The following FYTTD1 variants were observed in gnomAD, a reference collection of about 807,000 sequenced individuals.
FYTTD1 encodes UAP56-interacting factor.
In FYTTD1, 22 loss-of-function variants were observed where a neutral mutation model predicts 40.9. That is an observed-to-expected ratio of 0.54 (90% CI 0.38 to 0.77). FYTTD1 has a LOEUF of 0.77. Ranked by LOEUF, FYTTD1 falls within the 30% of genes least tolerant of loss-of-function variation. FYTTD1 has a pLI of 0.00. For missense variants in FYTTD1, 351 were observed against 392.2 expected (o/e 0.90, Z 0.89); for synonymous variants, 140 against 137.9 (o/e 1.01, Z -0.10).
chr3:197,762,017 A>G (rs1004742986), intron 2 of FYTTD1, among the ~76,000 whole-genome samples: 34 of 152,308 alleles, frequency 2.2e-4, no homozygotes, highest in South Asian at 1.4e-3. Context: ...CTTGTGTGGC[A>G]GAAAGAAGGC....
intron 4 of FYTTD1, among the ~76,000 whole-genome samples, chr3:197,773,085 T>C (rs892391110): frequency 2.0e-5 from 3 of 152,246 alleles, no homozygotes; most frequent in African/African-American, 4.8e-5. Context: ...TGTAAAGTTA[T>C]GTTTTCACCA....
chr3:197,756,392 A>T, intron 1 of FYTTD1, 34 bp from the exon 2 acceptor site: 1 of 1,519,170 alleles, frequency 6.6e-7, no homozygotes, highest in Non-Finnish European at 9.1e-7. Flanking sequence ...GAGTTAAGTT[A>T]AAATGAAAAT....
At chr3:197,771,320 T>A (rs2109049004) in intron 4 of FYTTD1, among the ~76,000 whole-genome samples, 1 of 152,336 alleles carries the variant, frequency 6.6e-6, no homozygotes, top group African/African-American at 2.4e-5. Flanking sequence ...TATTTATCTT[T>A]CGTGGAAGAT....
chr3:197,773,531 G>A (rs770484800), intron 5 of FYTTD1, 32 bp downstream of exon 5: 75 of 1,271,346 alleles, frequency 5.9e-5, no homozygotes, highest in Admixed American at 5.8e-4. Context: ...GTTTTTGTTT[G>A]TTTGTTTGTT....
chr3:197,761,981 G>A (rs1729401374), intron 2 of FYTTD1, among the ~76,000 whole-genome samples: 1 of 152,176 alleles, frequency 6.6e-6, no homozygotes, highest in African/African-American at 2.4e-5. Context: ...CTTCCAGGTT[G>A]CAGACTTTGG....
chr3:197,750,858 T>G (rs1580439295), intron 1 of FYTTD1: 3 of 985,228 alleles, frequency 3.0e-6, no homozygotes, highest in Non-Finnish European at 3.6e-6. Flanking sequence ...TCTGAGAGGG[T>G]GGCGTGGTTT....
intron 2 of FYTTD1, among the ~76,000 whole-genome samples, chr3:197,767,045 C>T (rs766132169): frequency 1.3e-5 from 2 of 151,630 alleles, no homozygotes; most frequent in Non-Finnish European, 2.9e-5. Context: ...AGGAATTCTG[C>T]AGTGAACATG....
Position 197,783,266 on chromosome 3 carries a change from T to G in FYTTD1, c.*1357T>G, listed in dbSNP as rs879252672. On this transcript the variant is annotated 3_prime_UTR_variant, in exon 9 of 9. Transcript: ENST00000241502. The stretch of plus-strand genomic sequence containing the variant: ...GTTTGGTCATTTTGAAGCTTGACAT[T>G]TTAGTTTGCCATTATGTTAAAAACA... 1.3e-5 allele frequency: 2 copies of G among 152,612 alleles called. No individual in the cohort carries two copies. Among genetic ancestry groups the G allele is most frequent in the Admixed American group, 1.3e-4 (2 of 15,278 alleles). The allele number at this position is 152,612 out of a possible 1,614,324, so 9.5% of individuals were successfully genotyped here. A position where few individuals can be genotyped will look rare whatever the true frequency, so the allele number is the denominator to read the frequency against.
chr3:197,765,049 C>T (rs990922043), intron 2 of FYTTD1, among the ~76,000 whole-genome samples: 2 of 152,038 alleles, frequency 1.3e-5, no homozygotes, highest in African/African-American at 2.4e-5. Context: ...GACGAGGTTT[C>T]ACCATGTTGG....
intron 2 of FYTTD1, among the ~76,000 whole-genome samples, chr3:197,759,091 A>G (rs1729291056): frequency 6.6e-6 from 1 of 152,114 alleles, no homozygotes; most frequent in South Asian, 2.1e-4. Context: ...GGTAGAAAGT[A>G]TAGAGTTGTT....
chr3:197,778,554 G>C (rs1729940059), intron 8 of FYTTD1, 90 bp downstream of exon 8: 4 of 876,304 alleles, frequency 4.6e-6, no homozygotes, highest in African/African-American at 1.7e-5. Flanking sequence ...TATAAACAAG[G>C]TATCCTAACT....
rs191988695 is a variant in FYTTD1 at position 197,756,894 on chromosome 3, T to C, written c.235+337T>C. Reference sequence around the variant, plus strand: ...GATGTTCCTTTAACAGTCTGTCTAATGGATGACTAACTCCAGCTTAAATAT... The same window carrying C: ...GATGTTCCTTTAACAGTCTGTCTAACGGATGACTAACTCCAGCTTAAATAT... On this transcript the variant is annotated intron_variant, in intron 2 of 8. Transcript: ENST00000241502. 3.1e-3 allele frequency among the ~76,000 whole-genome samples: 478 copies of C among 152,348 alleles called. 2 individuals carry two copies. The highest frequency in any genetic ancestry group is 0.02 in the Middle Eastern group (6 of 294).
At chr3:197,769,335 C>G (rs905658906) in intron 3 of FYTTD1, among the ~76,000 whole-genome samples, 1 of 152,174 alleles carries the variant, frequency 6.6e-6, no homozygotes, top group Non-Finnish European at 1.5e-5. Context: ...ATCCATCCGC[C>G]TCACCCTCCC....
rs937241579 is a variant in FYTTD1 at position 197,782,705 on chromosome 3, T to G, written c.*796T>G. Reference sequence around the variant, plus strand: ...GGACAGGTAGTTGAGATGAAACACTTCAAAACCCTGGTTATAGATGTACTG... The same window carrying G: ...GGACAGGTAGTTGAGATGAAACACTGCAAAACCCTGGTTATAGATGTACTG... On this transcript the variant is annotated 3_prime_UTR_variant, in exon 9 of 9. Coordinates refer to ENST00000241502, the MANE Select transcript of FYTTD1 (RefSeq NM_032288.7). 6.6e-6 allele frequency: 1 copy of G among 152,164 alleles called. No individual in the cohort carries two copies. Among genetic ancestry groups the G allele is most frequent in the Non-Finnish European group, 1.5e-5 (1 of 68,028 alleles). The allele number at this position is 152,164 out of a possible 1,614,324, so 9.4% of individuals were successfully genotyped here.
intron 6 of FYTTD1, 56 bp downstream of exon 6, chr3:197,774,266 AC>A: frequency 7.3e-7 from 1 of 1,366,034 alleles, no homozygotes; most frequent in Non-Finnish European, 1.0e-6. Flanking sequence ...AATACTAACT[AC>A]CCAAATTATC....
chr3:197,762,254 A>G (rs1283440241), intron 2 of FYTTD1, among the ~76,000 whole-genome samples: 2 of 152,238 alleles, frequency 1.3e-5, no homozygotes, highest in Non-Finnish European at 1.5e-5. Context: ...TCCAAAAACA[A>G]TATACCACTG....
At chr3:197,763,270 C>T (rs544606181) in intron 2 of FYTTD1, among the ~76,000 whole-genome samples, 13 of 152,002 alleles carry the variant, frequency 8.6e-5, no homozygotes, top group African/African-American at 2.7e-4. Flanking sequence ...AACAATTAGC[C>T]GGGTGTGGTG....
rs773607410 is a variant in FYTTD1, at chr3:197,778,361, G to A, written c.755G>A (p.Arg252His). 7 of 1,607,146 alleles carry A rather than the reference G, an allele frequency of 4.4e-6. No homozygotes were observed. The highest frequency in any genetic ancestry group is 1.3e-5 in the African/African-American group (1 of 74,656). Residue 252 changes from arginine (R) to histidine (H), a missense_variant, in exon 8 of 9, where the codon CGT (arginine) becomes CAT (histidine). Coordinates refer to ENST00000241502, the MANE Select transcript of FYTTD1 (RefSeq NM_032288.7). ...CPVTQKPRLT[R>H]TAVPSFLTKR... The stretch of plus-strand genomic sequence containing the variant: ...AGAACTCAGAAACCACGATTAACTC[G>A]TACTGCTGTACCTTCATTTTTAACA...
At chr3:197,776,040 C>T (rs1729864211) in intron 6 of FYTTD1, among the ~76,000 whole-genome samples, 1 of 151,952 alleles carries the variant, frequency 6.6e-6, no homozygotes, top group African/African-American at 2.4e-5. Context: ...TATCCTTTCA[C>T]ATAAAGCTGG....
Sources: allele counts gnomAD v4.1 joint callset (sites outside exome capture counted in the v4.1 genomes callset), GRCh38; gene constraint gnomAD v4.1.1; transcripts MANE v1.5; gene names NCBI Gene and HGNC (gene_info 2026-07-23, HGNC 2026-07-21).